LAMA2: variants seen among roughly 807,000 people sequenced by gnomAD.
The protein encoded by LAMA2 is laminin subunit alpha-2.
In LAMA2, 269 loss-of-function variants were observed where a neutral mutation model predicts 364.8. That is an observed-to-expected ratio of 0.74 (90% confidence interval 0.67 to 0.82). The LOEUF (loss-of-function observed/expected upper bound fraction) is 0.82, where lower values mean the gene tolerates loss of function less well. Ranked by LOEUF, LAMA2 falls within the 40% of genes least tolerant of loss-of-function variation. LAMA2 has a pLI of 0.00. For synonymous variants in LAMA2, 1,379 were observed against 1,370.6 expected (o/e 1.01, Z -0.14); for missense variants, 3,807 against 3,873.2 (o/e 0.98, Z 0.45).
rs1268855991 is a variant in LAMA2 at position 129,114,332 on chromosome 6, A to G, written c.639+15917A>G. Among the ~76,000 whole-genome samples the G allele has an allele frequency of 9.2e-5, 14 of 152,146 alleles. No homozygotes were observed. In the East Asian group the frequency reaches 2.5e-3, roughly 27 times the overall value. Reference sequence around the variant, plus strand: ...TATTCTGAAAAATACTGTCACTACAACTCTGTCCAGAACCCACAGCTGCAG... The same window carrying G: ...TATTCTGAAAAATACTGTCACTACAGCTCTGTCCAGAACCCACAGCTGCAG... On this transcript the variant is annotated intron_variant, in intron 4 of 64. Transcript: ENST00000421865.
intron 20 of LAMA2, among the ~76,000 whole-genome samples, chr6:129,294,604 G>T (rs1371891153): frequency 6.6e-6 from 1 of 152,112 alleles, no homozygotes; most frequent in Non-Finnish European, 1.5e-5. Flanking sequence ...CACCTTGAGG[G>T]TTAAGATTTC....
At chr6:129,326,929 T>C (rs1048964224) in intron 28 of LAMA2, among the ~76,000 whole-genome samples, 4 of 151,210 alleles carry the variant, frequency 2.6e-5, no homozygotes, top group East Asian at 1.9e-4. Context: ...TCTTCAGTTA[T>C]GCTTAAACTA....
intron 4 of LAMA2, among the ~76,000 whole-genome samples, chr6:129,139,370 T>C (rs1039498096): frequency 4.6e-5 from 7 of 152,140 alleles, no homozygotes. Flanking sequence ...TCTGCATCTG[T>C]ACCGAACATG....
chr6:129,175,603 A>G (rs577981702), intron 9 of LAMA2, among the ~76,000 whole-genome samples: 4 of 152,328 alleles, frequency 2.6e-5, no homozygotes, highest in African/African-American at 9.6e-5. Context: ...AGAAAACCAA[A>G]CACCGCATGT....
chr6:129,144,178 G>C (rs1269170233), intron 5 of LAMA2, 98 bp downstream of exon 5: 3 of 871,492 alleles, frequency 3.4e-6, no homozygotes, highest in Non-Finnish European at 5.5e-6. Context: ...ATTTGTAGGA[G>C]TGGTTATTAT....
chr6:129,481,390 G>A lies in LAMA2; in HGVS notation c.7700G>A (p.Ser2567Asn). 2 of 1,613,974 alleles carry A rather than the reference G, an allele frequency of 1.2e-6. No individual in the cohort carries two copies. Among genetic ancestry groups the A allele is most frequent in the East Asian group, 2.2e-5 (1 of 44,878 alleles). Residue 2567 changes from serine to asparagine, a missense_variant, in exon 55 of 65, where the codon AGT becomes AAT. Transcript: ENST00000421865. ...KNESGIILLG[S>N]GGTPAPPRRK... is the part of the protein sequence containing the mutation. ...GAGTCCGGCATCATTCTTTTGGGAA[G>A]TGGAGGGACACCAGCACCACCTAGG... is the stretch of plus-strand genomic sequence containing the variant.
chr6:129,217,911 T>C (rs907579000), intron 12 of LAMA2, among the ~76,000 whole-genome samples: 1 of 152,162 alleles, frequency 6.6e-6, no homozygotes, highest in South Asian at 2.1e-4. Context: ...AAAAAATGTT[T>C]CTCAAAGTCC....
chr6:128,937,478 C>T (rs887662162), intron 1 of LAMA2, among the ~76,000 whole-genome samples: 1 of 151,930 alleles, frequency 6.6e-6, no homozygotes, highest in Admixed American at 6.6e-5. Context: ...TTATCAGGTA[C>T]TCATTACCCA....
At chr6:129,076,329 C>A (rs750095185) in intron 3 of LAMA2, among the ~76,000 whole-genome samples, 1 of 150,486 alleles carries the variant, frequency 6.6e-6, no homozygotes, top group Non-Finnish European at 1.5e-5. Flanking sequence ...TATGGCAATG[C>A]AGATGCTGTG....
intron 31 of LAMA2, among the ~76,000 whole-genome samples, chr6:129,350,940 A>C (rs1485348208): frequency 6.6e-6 from 1 of 152,204 alleles, no homozygotes; most frequent in Admixed American, 6.5e-5. Flanking sequence ...TTTCCATACC[A>C]ACAGAAATTA....
chr6:129,179,898 C>T (rs1281675430), intron 10 of LAMA2, among the ~76,000 whole-genome samples: 1 of 152,062 alleles, frequency 6.6e-6, no homozygotes, highest in African/African-American at 2.4e-5. Context: ...AATAATATCA[C>T]AATATGCCAC....
At chr6:129,496,887 T>C (rs1408159896) in intron 58 of LAMA2, among the ~76,000 whole-genome samples, 11 of 152,208 alleles carry the variant, frequency 7.2e-5, no homozygotes, top group African/African-American at 2.4e-4. Context: ...GATAATAATA[T>C]CTTCCTTCTA....
At chr6:129,471,360 G>A (rs1388825216) in intron 51 of LAMA2, among the ~76,000 whole-genome samples, 1 of 151,806 alleles carries the variant, frequency 6.6e-6, no homozygotes, top group Non-Finnish European at 1.5e-5. Context: ...TACCTTTTGG[G>A]CCAGTGAATT....
intron 47 of LAMA2, among the ~76,000 whole-genome samples, chr6:129,456,127 G>C (rs1037664575): frequency 1.3e-5 from 2 of 152,108 alleles, no homozygotes; most frequent in Admixed American, 1.3e-4. Flanking sequence ...TGAAACTGAT[G>C]TAAGTGTTGA....
At chr6:129,055,087 A>G (rs1788375365) in intron 2 of LAMA2, among the ~76,000 whole-genome samples, 2 of 151,200 alleles carry the variant, frequency 1.3e-5, no homozygotes, top group African/African-American at 4.8e-5. Flanking sequence ...CAAGGTGTAT[A>G]TAAGTTATGA....
chr6:129,218,404 A>T (rs72973212), intron 12 of LAMA2, among the ~76,000 whole-genome samples: 571 of 152,288 alleles, frequency 3.7e-3, no homozygotes, highest in Non-Finnish European at 6.2e-3. Context: ...CTTGATATAC[A>T]ATGAAACATA....
chr6:129,175,167 G>A (rs1780494763), intron 9 of LAMA2, among the ~76,000 whole-genome samples: 1 of 152,114 alleles, frequency 6.6e-6, no homozygotes, highest in Non-Finnish European at 1.5e-5. Context: ...GTTCTACTTG[G>A]ACATCATAGA....
chr6:129,441,253 C>G (rs2114766462), intron 43 of LAMA2, among the ~76,000 whole-genome samples: 1 of 152,186 alleles, frequency 6.6e-6, no homozygotes, highest in Non-Finnish European at 1.5e-5. Flanking sequence ...CAAGGTGTGC[C>G]TAACATTCAG....
intron 43 of LAMA2, 151 bp downstream of exon 43, chr6:129,441,149 A>G: frequency 1.3e-6 from 1 of 745,836 alleles, no homozygotes. Flanking sequence ...ATTGAGTGTC[A>G]TGCAGTTCCA....
Sources: allele counts gnomAD v4.1 joint callset (sites outside exome capture counted in the v4.1 genomes callset), GRCh38; gene constraint gnomAD v4.1.1; transcripts MANE v1.5; gene names NCBI Gene and HGNC (gene_info 2026-07-23, HGNC 2026-07-21).